KDM4C: variants seen among roughly 807,000 people sequenced by gnomAD.
KDM4C encodes lysine demethylase 4C.
Under a neutral mutation model 129.3 loss-of-function variants are expected in KDM4C, and 81 were observed. The ratio of observed to expected loss-of-function variants is 0.63; its 90% CI spans 0.52 to 0.75. The LOEUF (loss-of-function observed/expected upper bound fraction) is 0.75, where lower values mean the gene tolerates loss of function less well. Ranked by LOEUF, KDM4C falls within the 30% of genes least tolerant of loss-of-function variation. The pLI is 0.00. For synonymous variants in KDM4C, 573 were observed against 456.1 expected, an observed-to-expected ratio of 1.26 and a Z score of -3.26; for missense variants, 1,457 against 1,304.0, an observed-to-expected ratio of 1.12 and a Z score of -1.81.
intron 8 of KDM4C, among the ~76,000 whole-genome samples, chr9:6,958,017 G>A (rs1481460443): frequency 6.6e-6 from 1 of 152,082 alleles, no homozygotes; most frequent in Admixed American, 6.5e-5. Flanking sequence ...GCTTCTCCGA[G>A]GGAGAGAACA....
At chr9:6,859,480 A>G (rs1245537859) in intron 5 of KDM4C, among the ~76,000 whole-genome samples, 1 of 150,060 alleles carries the variant, frequency 6.7e-6, no homozygotes, top group Non-Finnish European at 1.5e-5. Flanking sequence ...TCTCAAAAAA[A>G]AAAAAAAAAA....
At chr9:6,831,019 C>T (rs764403934) in intron 4 of KDM4C, among the ~76,000 whole-genome samples, 11 of 152,164 alleles carry the variant, frequency 7.2e-5, no homozygotes, top group Non-Finnish European at 1.5e-4. Flanking sequence ...TCAAGTACAG[C>T]CCATACTTTG....
chr9:6,870,819 G>A (rs892456793), intron 5 of KDM4C, among the ~76,000 whole-genome samples: 2 of 99,982 alleles, frequency 2.0e-5, no homozygotes, highest in Non-Finnish European at 5.5e-5. Context: ...TACTTCACAC[G>A]GCCTTAGTTA....
At chr9:6,818,793 T>A (rs1330064873) in intron 4 of KDM4C, among the ~76,000 whole-genome samples, 1 of 152,098 alleles carries the variant, frequency 6.6e-6, no homozygotes, top group Non-Finnish European at 1.5e-5. Context: ...GGGAGGCTAG[T>A]AAAAGGGCCA....
intron 18 of KDM4C, among the ~76,000 whole-genome samples, chr9:7,122,207 T>C (rs1199593719): frequency 6.6e-6 from 1 of 151,362 alleles, no homozygotes; most frequent in East Asian, 1.9e-4. Context: ...TTATATGGTC[T>C]GAGCAGGAGG....
At chr9:6,863,991 C>T (rs1358228527) in intron 5 of KDM4C, among the ~76,000 whole-genome samples, 2 of 152,088 alleles carry the variant, frequency 1.3e-5, no homozygotes, top group African/African-American at 4.8e-5. Context: ...CAGCTTTCAA[C>T]GTGAGGTTTA....
At chr9:6,822,738 T>G (rs1833243619) in intron 4 of KDM4C, among the ~76,000 whole-genome samples, 2 of 152,118 alleles carry the variant, frequency 1.3e-5, no homozygotes, top group African/African-American at 4.8e-5. Flanking sequence ...CACACAAAGA[T>G]AAAGATAAAA....
At chr9:6,735,594 C>T (rs955147530) in intron 1 of KDM4C, among the ~76,000 whole-genome samples, 1 of 152,180 alleles carries the variant, frequency 6.6e-6, no homozygotes, top group African/African-American at 2.4e-5. Flanking sequence ...CAAGCCCTCT[C>T]TTTTTTGCAT....
At chr9:6,899,649 A>G (rs1392153033) in intron 8 of KDM4C, among the ~76,000 whole-genome samples, 1 of 152,156 alleles carries the variant, frequency 6.6e-6, no homozygotes, top group East Asian at 1.9e-4. Context: ...AGAGATATGA[A>G]GAACATAGTC....
chr9:7,168,906 G>A (rs566743030), intron 20 of KDM4C, among the ~76,000 whole-genome samples: 47 of 152,118 alleles, frequency 3.1e-4, no homozygotes, highest in African/African-American at 9.6e-4. Context: ...ATAGCTGGGC[G>A]TTGTGGCACA....
At chr9:6,939,288 G>C (rs1825404102) in intron 8 of KDM4C, among the ~76,000 whole-genome samples, 1 of 152,030 alleles carries the variant, frequency 6.6e-6, no homozygotes, top group Non-Finnish European at 1.5e-5. Context: ...AGGGATCTAG[G>C]TTGCATGCTC....
At chr9:6,786,088 A>G (rs1217859286) in intron 1 of KDM4C, among the ~76,000 whole-genome samples, 1 of 152,182 alleles carries the variant, frequency 6.6e-6, no homozygotes, top group East Asian at 1.9e-4. Flanking sequence ...CTAATACACA[A>G]TGAGAGCTGT....
At chr9:6,752,332 C>CAA (rs1159747148) in intron 1 of KDM4C, among the ~76,000 whole-genome samples, 224 of 19,246 alleles carry the variant, frequency 0.012, 32 homozygotes, top group African/African-American at 0.03. Context: ...AACTCCGTCT[C>CAA]AAAAAAAAAA....
intron 17 of KDM4C, among the ~76,000 whole-genome samples, chr9:7,092,081 A>C (rs762846344): frequency 1.3e-5 from 2 of 152,212 alleles, no homozygotes; most frequent in Non-Finnish European, 2.9e-5. Flanking sequence ...TGGCAAACTG[A>C]AAAGAACTGA....
intron 4 of KDM4C, among the ~76,000 whole-genome samples, chr9:6,819,734 G>C (rs1832704437): frequency 6.6e-6 from 1 of 152,210 alleles, no homozygotes; most frequent in Admixed American, 6.5e-5. Flanking sequence ...GCATGATGTA[G>C]AGTGAGTGTA....
intron 8 of KDM4C, among the ~76,000 whole-genome samples, chr9:6,929,447 A>ACACTTTATC (rs1823238407): frequency 6.7e-6 from 1 of 150,260 alleles, no homozygotes; most frequent in Non-Finnish European, 1.5e-5. Flanking sequence ...AAAGCAGTGT[A>ACACTTTATC]CACTTTATCC....
chr9:7,044,700 A>G (rs1829135147), intron 15 of KDM4C, among the ~76,000 whole-genome samples: 1 of 152,012 alleles, frequency 6.6e-6, no homozygotes, highest in Non-Finnish European at 1.5e-5. Flanking sequence ...TACCTGTGGC[A>G]CTGTTAGTCA....
intron 12 of KDM4C, among the ~76,000 whole-genome samples, chr9:6,999,763 A>AG (rs56003438): frequency 0.99 from 140,083 of 141,038 alleles, 69,578 homozygotes; most frequent in Middle Eastern, 1. Context: ...GACTTGGCTT[A>AG]CGAATAGGTA....
intron 1 of KDM4C, among the ~76,000 whole-genome samples, chr9:6,772,736 A>G (rs1224368320): frequency 7.6e-6 from 1 of 131,024 alleles, no homozygotes; most frequent in Non-Finnish European, 1.6e-5. Context: ...TCTTTCACCC[A>G]TGCTGGAGTG....
Sources: gnomAD v4.1 joint callset for allele counts (sites outside exome capture counted in the v4.1 genomes callset) on GRCh38, gnomAD v4.1.1 for gene constraint, MANE v1.5 for transcripts, NCBI Gene and HGNC (gene_info 2026-07-23, HGNC 2026-07-21) for gene names.